The following NUMA1 variants were observed in gnomAD, a reference collection of about 807,000 sequenced individuals.
NUMA1 encodes SP-H antigen.
A neutral mutation model predicts 237.1 loss-of-function variants in NUMA1; 62 were observed. The ratio of observed to expected loss-of-function variants is 0.26; its 90% confidence interval spans 0.21 to 0.32. The LOEUF is 0.32. Ranked by LOEUF, NUMA1 falls within the 10% of genes least tolerant of loss-of-function variation. NUMA1 has a pLI of 1.00. For missense variants in NUMA1, 2,533 were observed against 2,666.5 expected (o/e 0.95, Z 1.10); for synonymous variants, 1,028 against 1,066.1 (o/e 0.96, Z 0.70).
At position 72,004,265 on chromosome 11, in the gene NUMA1, G is replaced by A. The variant is rs755627226; in HGVS notation, c.6083C>T (p.Thr2028Ile). The change falls in exon 25 of 27, where the codon ACT becomes ATT. Residue 2028 changes from threonine to isoleucine, a missense_variant. Physicochemically the swap from Thr to Ile is moderately conservative, Grantham distance 89. This residue lies in a region of NUMA1 where 795 missense variants were observed against 750.8 expected (regional missense o/e 1.06). Transcript: ENST00000393695. ...DRHEGRKQSTTEAQKKAAPAS... is the reference protein window; with the variant it reads ...DRHEGRKQSTIEAQKKAAPAS... ...TGGAGCTGCTTTCTTCTGGGCCTCAGTAGTGCTCTGTTTGCGCCCTTCATG... is the reference window on the plus strand; with the variant it reads ...TGGAGCTGCTTTCTTCTGGGCCTCAATAGTGCTCTGTTTGCGCCCTTCATG... 3 of 1,613,336 alleles carry A rather than the reference G, an allele frequency of 1.9e-6. No individual in the cohort carries two copies. The highest frequency in any genetic ancestry group is 2.7e-5 in the African/African-American group (2 of 74,946).
chr11:72,044,018 C>T (rs1273583844), intron 2 of NUMA1, among the ~76,000 whole-genome samples: 1 of 152,088 alleles, frequency 6.6e-6, no homozygotes, highest in African/African-American at 2.4e-5. Context: ...ACTATGTACG[C>T]GACACTATTC....
chr11:72,061,199 G>A (rs547479650), intron 2 of NUMA1, among the ~76,000 whole-genome samples: 114 of 152,210 alleles, frequency 7.5e-4, no homozygotes, highest in Middle Eastern at 3.4e-3. Context: ...ATCACACCAC[G>A]GCACTCCAAA....
At chr11:72,010,897 C>G in intron 16 of NUMA1, 43 bp from the exon 17 acceptor site, 1 of 1,554,146 alleles carries the variant, frequency 6.4e-7, no homozygotes, top group African/African-American at 1.4e-5. Context: ...GAGGACTTCC[C>G]CTGGATGTTC....
intron 21 of NUMA1, 70 bp downstream of exon 21, chr11:72,007,119 C>G (rs1955773232): frequency 3.2e-6 from 5 of 1,563,210 alleles, no homozygotes; most frequent in Non-Finnish European, 4.3e-6. Context: ...TGACTGAGTG[C>G]CCAGTGCAAA....
intron 4 of NUMA1, among the ~76,000 whole-genome samples, chr11:72,028,434 C>G (rs10898816): frequency 9.4e-6 from 1 of 106,016 alleles, no homozygotes; most frequent in Admixed American, 1.2e-4. Flanking sequence ...GGCAAACAAT[C>G]TAATGTGCTT....
intron 4 of NUMA1, 26 bp from the exon 5 acceptor site, chr11:72,024,379 C>G (rs889746642): frequency 1.4e-5 from 23 of 1,602,322 alleles, no homozygotes; most frequent in Non-Finnish European, 1.8e-5. Context: ...GTATTAGGAC[C>G]AGAGTATTCA....
chr11:72,004,137 T>C, intron 25 of NUMA1, 38 bp from the exon 26 acceptor site: 1 of 1,611,500 alleles, frequency 6.2e-7, no homozygotes, highest in Non-Finnish European at 8.5e-7. Flanking sequence ...GACCCAATGC[T>C]GCCTTCCCAG....
In NUMA1 at chr11:72,008,775, C is replaced by T. The variant is rs746804537; in HGVS notation, c.5129G>A (p.Arg1710His). The T allele has an allele frequency of 1.2e-5, 19 of 1,613,986 alleles. No homozygotes were observed. In the South Asian group the frequency reaches 1.4e-4, roughly 12 times the overall value. ...FQVATDALKS[R>H]EPQAKPQLDL... ...CAGCTGGGGCTTAGCCTGGGGCTCA[C>T]GGCTCTTTAAAGCATCAGTTGCCAC... The change falls in exon 20 of 27, where the codon CGT becomes CAT. Residue 1710 changes from arginine to histidine, a missense_variant. Around this residue, in one of 3 missense-constraint regions of NUMA1, gnomAD observed 795 missense variants for 750.8 expected, o/e 1.06. Transcript: ENST00000393695.
chr11:72,008,529 C>T lies in NUMA1; in HGVS notation c.5216+159G>A, dbSNP rs910536626. 9.6e-5 allele frequency: 78 copies of T among 809,176 alleles called. 1 individual carries two copies. The African/African-American group carries it at 1.1e-3, about 12-fold the overall frequency. The allele number at this position is 809,176 out of a possible 1,614,324, so 50.1% of individuals were successfully genotyped here. On this transcript the variant is annotated intron_variant, in intron 20 of 26. Coordinates refer to ENST00000393695, the MANE Select transcript of NUMA1 (RefSeq NM_006185.4). ...CTTTCTTGACCACTTGCTTTTTATT[C>T]CAACTGTGCCCTAAATAGATATCTG...
Position 72,013,998 on chromosome 11 carries a change from C to A in NUMA1, c.3505G>T (p.Gly1169Cys). 1 of 1,612,434 alleles carries A rather than the reference C, an allele frequency of 6.2e-7. No individual in the cohort carries two copies. The highest frequency in any genetic ancestry group is 2.2e-5 in the East Asian group (1 of 44,838). Residue 1169 changes from glycine (G) to cysteine (C), a missense_variant, in exon 15 of 27, where the codon GGC becomes TGC. By Grantham distance (159) the Gly-to-Cys change is radical. This residue lies in a region of NUMA1 where 1,414 missense variants were observed against 1,508.1 expected (regional missense o/e 0.94). Transcript: ENST00000393695. The surrounding 1 kb of genome is among the most constrained non-coding windows in gnomAD (Gnocchi z 6.8). Reference sequence around the variant, plus strand: ...TCCTGGGCCTTCTCCTCTAACTGGCCCTGCAGAGTCTCCAGAGCACTGTCC... The same window carrying A: ...TCCTGGGCCTTCTCCTCTAACTGGCACTGCAGAGTCTCCAGAGCACTGTCC... ...ERDSALETLQ[G>C]QLEEKAQELG...
At chr11:72,060,827 T>C (rs938044087) in intron 2 of NUMA1, among the ~76,000 whole-genome samples, 2 of 152,100 alleles carry the variant, frequency 1.3e-5, no homozygotes, top group Non-Finnish European at 2.9e-5. Flanking sequence ...TCCCAGCATT[T>C]TGGGAGGCCG....
In NUMA1 at chr11:72,013,941, C is replaced by A; in HGVS notation, c.3562G>T (p.Ala1188Ser). 3.1e-6 allele frequency: 5 copies of A among 1,613,872 alleles called. No individual in the cohort carries two copies. The highest frequency in any genetic ancestry group is 4.2e-6 in the Non-Finnish European group (5 of 1,180,024). The change falls in exon 15 of 27, where the codon GCC (alanine) becomes TCC (serine). Residue 1188 changes from alanine (A) to serine (S), a missense_variant. Physicochemically the swap from Ala to Ser is moderately conservative, Grantham distance 99. This residue lies in a region of NUMA1 where 1,414 missense variants were observed against 1,508.1 expected (regional missense o/e 0.94). Transcript: ENST00000393695. This position sits in a 1 kb window ranked among gnomAD's most constrained non-coding sequence, Gnocchi z 6.8. ...CGGAAGGCAGCCAACTCCCGTTGGG[C>A]CGAGGCTAAGGCACTCTGACTGTGC... ...LGHSQSALASAQRELAAFRTK... is the reference protein window; with the variant it reads ...LGHSQSALASSQRELAAFRTK...
At chr11:72,028,092 C>T (rs1245920527) in intron 4 of NUMA1, among the ~76,000 whole-genome samples, 1 of 152,158 alleles carries the variant, frequency 6.6e-6, no homozygotes, top group Non-Finnish European at 1.5e-5. Flanking sequence ...AAATAAAAAC[C>T]ACTTTAGCAG....
intron 2 of NUMA1, among the ~76,000 whole-genome samples, chr11:72,063,608 CAAAAAAAAAAAA>C (rs71052848): frequency 4.3e-4 from 26 of 61,134 alleles, no homozygotes; most frequent in African/African-American, 6.1e-4. Context: ...TACCAAAACT[CAAAAAAAAAAAA>C]AAAAAAAAAA....
chr11:72,029,344 T>G, intron 3 of NUMA1, 54 bp from the exon 4 acceptor site: 1 of 1,163,764 alleles, frequency 8.6e-7, no homozygotes, highest in East Asian at 2.5e-5. Flanking sequence ...CATGGTTTGC[T>G]CCTTTTCCCA....
chr11:72,054,648 G>A (rs1942540314), intron 2 of NUMA1, among the ~76,000 whole-genome samples: 1 of 152,160 alleles, frequency 6.6e-6, no homozygotes, highest in African/African-American at 2.4e-5. Flanking sequence ...GCAGAATTAA[G>A]TTTCAAATCC....
chr11:72,048,441 A>G (rs943762315), intron 2 of NUMA1, among the ~76,000 whole-genome samples: 4 of 149,532 alleles, frequency 2.7e-5, no homozygotes, highest in Admixed American at 6.6e-5. Flanking sequence ...GCACGACCTC[A>G]GCTCACTGCA....
intron 2 of NUMA1, among the ~76,000 whole-genome samples, 177 bp from the exon 3 acceptor site, chr11:72,036,152 C>G (rs1940999350): frequency 6.6e-6 from 1 of 152,124 alleles, no homozygotes; most frequent in Non-Finnish European, 1.5e-5. Flanking sequence ...TACTATAGAG[C>G]TTACATCAGA....
chr11:72,048,229 T>C (rs1942113843), intron 2 of NUMA1, among the ~76,000 whole-genome samples: 1 of 152,150 alleles, frequency 6.6e-6, no homozygotes, highest in Non-Finnish European at 1.5e-5. Flanking sequence ...CCCGAGTAGC[T>C]GGGATAATAG....
Sources: allele counts gnomAD v4.1 joint callset (sites outside exome capture counted in the v4.1 genomes callset), GRCh38; gene constraint gnomAD v4.1.1; regional missense constraint gnomAD v4.1.1; non-coding constraint Gnocchi (gnomAD v3.1); transcripts MANE v1.5; gene names NCBI Gene and HGNC (gene_info 2026-07-23, HGNC 2026-07-21).